Variants in LRMDA observed in about 807,000 individuals in gnomAD.
LRMDA encodes the protein leucine rich melanocyte differentiation associated, also known as leucine-rich melanocyte differentiation-associated protein.
A neutral mutation model predicts 29.8 loss-of-function variants in LRMDA; 18 were observed. The ratio of observed to expected loss-of-function variants is 0.60; its 90% CI spans 0.42 to 0.90. LRMDA has a LOEUF of 0.90. LRMDA is among the 40% of genes least tolerant of loss of function. The pLI, the probability that LRMDA is intolerant of heterozygous loss-of-function variation, is 0.00. For synonymous variants in LRMDA, 125 were observed against 109.4 expected (o/e 1.14, Z -0.89); for missense variants, 273 against 273.9 (o/e 1.00, Z 0.02).
chr10:76,140,313 C>T (rs1317800060), intron 5 of LRMDA, among the ~76,000 whole-genome samples: 1 of 152,148 alleles, frequency 6.6e-6, no homozygotes, highest in African/African-American at 2.4e-5. Context: ...AGACTCCTTT[C>T]ACTGGAGAAG....
At chr10:75,684,170 T>A (rs1363730309) in intron 2 of LRMDA, among the ~76,000 whole-genome samples, 1 of 152,204 alleles carries the variant, frequency 6.6e-6, no homozygotes, top group African/African-American at 2.4e-5. Flanking sequence ...CAATGTCTCC[T>A]CTCTCCAAAA....
chr10:75,610,175 G>T (rs1180867084), intron 2 of LRMDA, among the ~76,000 whole-genome samples: 1 of 152,130 alleles, frequency 6.6e-6, no homozygotes, highest in East Asian at 1.9e-4. Context: ...TGATTCAGTG[G>T]CATTTAGTAC....
intron 5 of LRMDA, among the ~76,000 whole-genome samples, chr10:76,296,298 C>T (rs531953960): frequency 4.6e-5 from 7 of 152,300 alleles, no homozygotes; most frequent in Non-Finnish European, 7.4e-5. Context: ...CAAGGTTGCA[C>T]GTTTAGAATA....
At chr10:75,465,338 C>A (rs1428500315) in intron 2 of LRMDA, among the ~76,000 whole-genome samples, 1 of 152,144 alleles carries the variant, frequency 6.6e-6, no homozygotes. Flanking sequence ...CTTCTGTTCG[C>A]CTTCTAAAAA....
chr10:75,618,437 A>G (rs1200606674), intron 2 of LRMDA, among the ~76,000 whole-genome samples: 1 of 146,316 alleles, frequency 6.8e-6, no homozygotes, highest in Non-Finnish European at 1.5e-5. Context: ...CTATATATGT[A>G]TACCAACTAT....
intron 5 of LRMDA, among the ~76,000 whole-genome samples, chr10:76,210,312 G>C (rs902708494): frequency 1.3e-5 from 2 of 152,148 alleles, no homozygotes; most frequent in African/African-American, 2.4e-5. Context: ...GCTAAATAAT[G>C]ATTGCATTCG....
intron 6 of LRMDA, among the ~76,000 whole-genome samples, chr10:76,537,563 C>T (rs955369391): frequency 6.6e-6 from 1 of 152,212 alleles, no homozygotes; most frequent in African/African-American, 2.4e-5. Context: ...ATATTCCTTG[C>T]TCCTGGCCCC....
At chr10:76,123,337 T>C in intron 5 of LRMDA, among the ~76,000 whole-genome samples, 1 of 91,288 alleles carries the variant, frequency 1.1e-5, no homozygotes. Context: ...AAACTTTATT[T>C]CTACCAAAAA....
At chr10:75,558,611 G>A (rs7901169) in intron 2 of LRMDA, among the ~76,000 whole-genome samples, 112,783 of 147,552 alleles carry the variant, frequency 0.76, 43,299 homozygotes, top group East Asian at 0.85. Context: ...TACATGTGCC[G>A]TGCTGGTGTG....
At chr10:75,837,167 C>G (rs1844453127) in intron 2 of LRMDA, among the ~76,000 whole-genome samples, 1 of 152,118 alleles carries the variant, frequency 6.6e-6, no homozygotes, top group South Asian at 2.1e-4. Flanking sequence ...AGGCTTGAAA[C>G]TCTAAGCCTT....
chr10:76,133,267 C>G lies in LRMDA; in HGVS notation c.516+74484C>G, dbSNP rs184741552. On this transcript the variant is annotated intron_variant, in intron 5 of 6. Transcript: ENST00000611255. Reference sequence around the variant, plus strand: ...ATATGAGGCTGGATTATATTTATTTCGTGTGTGTGTGTGTGTGTAAATTTT... The same window carrying G: ...ATATGAGGCTGGATTATATTTATTTGGTGTGTGTGTGTGTGTGTAAATTTT... Among the ~76,000 whole-genome samples the G allele has an allele frequency of 2.0e-3, 301 of 150,802 alleles. 2 individuals carry two copies. Among genetic ancestry groups the G allele is most frequent in the African/African-American group, 6.9e-3 (281 of 40,988 alleles).
At chr10:75,512,872 T>C (rs1429457022) in intron 2 of LRMDA, among the ~76,000 whole-genome samples, 1 of 152,202 alleles carries the variant, frequency 6.6e-6, no homozygotes. Context: ...TTTATTTCTC[T>C]TGAATTTACC....
intron 5 of LRMDA, among the ~76,000 whole-genome samples, chr10:76,208,134 A>G (rs1442452871): frequency 6.6e-6 from 1 of 152,208 alleles, no homozygotes; most frequent in African/African-American, 2.4e-5. Context: ...TAAATATTAT[A>G]TAAACCAACG....
chr10:76,101,940 A>T (rs530549860), intron 5 of LRMDA, among the ~76,000 whole-genome samples: 11 of 152,260 alleles, frequency 7.2e-5, no homozygotes, highest in Admixed American at 2.6e-4. Context: ...AACAATCTGC[A>T]TTTTGTCTCC....
chr10:75,789,068 T>C (rs1843522756), intron 2 of LRMDA, among the ~76,000 whole-genome samples: 1 of 152,248 alleles, frequency 6.6e-6, no homozygotes. Flanking sequence ...CCTCCTAATG[T>C]AGTGTAGTGG....
chr10:76,315,629 C>CT (rs141163966), intron 5 of LRMDA, among the ~76,000 whole-genome samples: 2,972 of 152,258 alleles, frequency 0.02, 97 homozygotes, highest in African/African-American at 0.067. Flanking sequence ...CCAGGGGGTG[C>CT]TGAGGGCAGC....
At chr10:75,641,311 G>C (rs1225643252) in intron 2 of LRMDA, among the ~76,000 whole-genome samples, 1 of 152,002 alleles carries the variant, frequency 6.6e-6, no homozygotes, top group Non-Finnish European at 1.5e-5. Context: ...ACTATGAAAG[G>C]CTTCCTACAG....
intron 2 of LRMDA, among the ~76,000 whole-genome samples, chr10:75,871,508 G>A (rs1017360199): frequency 6.6e-6 from 1 of 152,132 alleles, no homozygotes; most frequent in African/African-American, 2.4e-5. Context: ...ACTGGAGGAG[G>A]AGTCATGCCC....
intron 2 of LRMDA, among the ~76,000 whole-genome samples, chr10:75,794,836 ATATT>A (rs2132255519): frequency 6.6e-6 from 1 of 152,068 alleles, no homozygotes; most frequent in Admixed American, 6.5e-5. Context: ...TCCTATGTCT[ATATT>A]TATTTATTTC....
Sources: gnomAD v4.1 joint callset for allele counts (sites outside exome capture counted in the v4.1 genomes callset) on GRCh38, gnomAD v4.1.1 for gene constraint, MANE v1.5 for transcripts, NCBI Gene and HGNC (gene_info 2026-07-23, HGNC 2026-07-21) for gene names.